Variants in UNC13C observed in about 807,000 individuals in gnomAD.
The protein encoded by UNC13C is unc-13 homolog C.
UNC13C carries 174 observed loss-of-function variants against 245.4 expected under a neutral mutation model. The ratio of observed to expected loss-of-function variants is 0.71; its 90% CI spans 0.63 to 0.80. The LOEUF (loss-of-function observed/expected upper bound fraction) is 0.80. Ranked by LOEUF, UNC13C falls within the 30% of genes least tolerant of loss-of-function variation. UNC13C has a pLI of 0.00. For synonymous variants in UNC13C, 992 were observed against 895.1 expected (o/e 1.11, Z -1.93); for missense variants, 2,829 against 2,602.9 (o/e 1.09, Z -1.89).
At chr15:54,070,525 T>A (rs1390270980) in intron 2 of UNC13C, among the ~76,000 whole-genome samples, 1 of 152,172 alleles carries the variant, frequency 6.6e-6, no homozygotes, top group African/African-American at 2.4e-5. Flanking sequence ...CAGATGAGGA[T>A]TGCAGTCTGT....
intron 17 of UNC13C, among the ~76,000 whole-genome samples, chr15:54,340,418 G>A (rs1596250072): frequency 6.6e-6 from 1 of 152,136 alleles, no homozygotes; most frequent in Admixed American, 6.5e-5. Context: ...ATAGTTCGAG[G>A]TCTTAGATTT....
intron 13 of UNC13C, among the ~76,000 whole-genome samples, chr15:54,314,817 G>T (rs997135579): frequency 1.3e-5 from 2 of 151,670 alleles, no homozygotes; most frequent in Non-Finnish European, 2.9e-5. Flanking sequence ...TTATAACATT[G>T]TCAAAGTCAG....
At chr15:54,344,231 C>A (rs183028004) in intron 17 of UNC13C, among the ~76,000 whole-genome samples, 1 of 152,228 alleles carries the variant, frequency 6.6e-6, no homozygotes, top group Admixed American at 6.5e-5. Flanking sequence ...AGTGGCATAC[C>A]TTACTTGATG....
chr15:54,325,659 T>A (rs2038282111), intron 14 of UNC13C, among the ~76,000 whole-genome samples: 1 of 151,842 alleles, frequency 6.6e-6, no homozygotes, highest in Non-Finnish European at 1.5e-5. Context: ...GAACATGTGG[T>A]GTTTGCTTTT....
chr15:54,629,750 A>AGTT (rs1901410284), downstream of UNC13C: 1 of 45,790 alleles, frequency 2.2e-5, no homozygotes, highest in African/African-American at 4.2e-5. Context: ...AGTAAAAGGC[A>AGTT]GTTAGGATTT....
In UNC13C at chr15:54,192,700, A is replaced by G. The variant is rs187079988; in HGVS notation, c.3072-42330A>G. The stretch of plus-strand genomic sequence containing the variant: ...AATCAGAATGGGATCTGTAATTTCA[A>G]TTACAGAGTTCTGTTAGTTTCACTT... On this transcript the variant is annotated intron_variant, in intron 4 of 32. Transcript: ENST00000260323. Among the ~76,000 whole-genome samples the G allele has an allele frequency of 7.2e-5, 11 of 152,258 alleles. 1 individual carries two copies. The East Asian group carries it at 1.7e-3, about 24-fold the overall frequency.
At chr15:54,523,757 C>T (rs773088292) in intron 24 of UNC13C, among the ~76,000 whole-genome samples, 1 of 152,094 alleles carries the variant, frequency 6.6e-6, no homozygotes, top group African/African-American at 2.4e-5. Flanking sequence ...ACCCCCATTT[C>T]CTGAAGGAAA....
chr15:54,585,399 A>G (rs901208016), intron 30 of UNC13C, among the ~76,000 whole-genome samples: 2 of 152,090 alleles, frequency 1.3e-5, no homozygotes, highest in Non-Finnish European at 2.9e-5. Context: ...ATTGTAATCT[A>G]CCTTAGGCCT....
intron 26 of UNC13C, among the ~76,000 whole-genome samples, chr15:54,545,259 A>G (rs1447741159): frequency 6.6e-6 from 1 of 152,224 alleles, no homozygotes; most frequent in African/African-American, 2.4e-5. Context: ...AGAAAACTGA[A>G]AGTGGACCCC....
At position 54,264,225 on chromosome 15, in the gene UNC13C, C is replaced by G; in HGVS notation, c.3506C>G (p.Thr1169Arg). 1 of 1,595,182 alleles carries G rather than the reference C, an allele frequency of 6.3e-7. No individual in the cohort carries two copies. Among genetic ancestry groups the G allele is most frequent in the Non-Finnish European group, 8.5e-7 (1 of 1,170,236 alleles). ...GAAGACAAGACTCAGACCATTATTA[C>G]AGCAATGAAAGAAAGAATGAAGATC... The part of the protein sequence containing the change: ...GAEDKTQTII[T>R]AMKERMKIRE... Residue 1169 changes from threonine (T) to arginine (R), a missense_variant, in exon 9 of 33, where the codon ACA becomes AGA. Transcript: ENST00000260323.
At chr15:54,337,162 G>A (rs1427003177) in intron 16 of UNC13C, among the ~76,000 whole-genome samples, 4 of 152,078 alleles carry the variant, frequency 2.6e-5, no homozygotes, top group Non-Finnish European at 4.4e-5. Flanking sequence ...GCAGGGTGGG[G>A]GGTACTCTCT....
At chr15:54,586,897 A>C (rs948550904) in intron 30 of UNC13C, among the ~76,000 whole-genome samples, 1 of 152,220 alleles carries the variant, frequency 6.6e-6, no homozygotes, top group African/African-American at 2.4e-5. Context: ...AATTTATGGA[A>C]GCAGGATCAT....
chr15:54,484,095 C>A (rs1285528426), intron 19 of UNC13C, among the ~76,000 whole-genome samples: 2 of 150,412 alleles, frequency 1.3e-5, no homozygotes, highest in African/African-American at 4.9e-5. Context: ...AAAAAAAAAC[C>A]AGCATCTAGG....
At chr15:54,025,555 G>T (rs962995238) in intron 2 of UNC13C, among the ~76,000 whole-genome samples, 2 of 152,144 alleles carry the variant, frequency 1.3e-5, no homozygotes, top group East Asian at 1.9e-4. Context: ...TCCAGTATTT[G>T]TACTTTGGCG....
At chr15:54,510,594 C>T (rs1200938891) in intron 23 of UNC13C, among the ~76,000 whole-genome samples, 1 of 152,122 alleles carries the variant, frequency 6.6e-6, no homozygotes, top group Non-Finnish European at 1.5e-5. Context: ...AAATTGTTTG[C>T]ATAAATCAAA....
intron 2 of UNC13C, among the ~76,000 whole-genome samples, chr15:54,125,342 AATT>A (rs1337857477): frequency 6.6e-6 from 1 of 152,172 alleles, no homozygotes; most frequent in African/African-American, 2.4e-5. Context: ...GGGTGCCTGT[AATT>A]CCAGCTACTC....
chr15:54,309,557 T>G (rs1197515595), intron 13 of UNC13C, among the ~76,000 whole-genome samples: 1 of 151,876 alleles, frequency 6.6e-6, no homozygotes, highest in Non-Finnish European at 1.5e-5. Context: ...CTTTTGAGGT[T>G]GTAACTAATA....
chr15:54,462,070 C>G (rs891158368), intron 19 of UNC13C, among the ~76,000 whole-genome samples: 1 of 152,086 alleles, frequency 6.6e-6, no homozygotes, highest in Non-Finnish European at 1.5e-5. Context: ...TACTGGGATA[C>G]AAGCACAAAA....
chr15:53,984,896 C>T (rs562679123), intron 1 of UNC13C, among the ~76,000 whole-genome samples: 1 of 151,952 alleles, frequency 6.6e-6, no homozygotes, highest in Non-Finnish European at 1.5e-5. Context: ...ATCAATTGCC[C>T]CAAGATTCTA....
Sources: gnomAD v4.1 joint callset for allele counts (sites outside exome capture counted in the v4.1 genomes callset) on GRCh38, gnomAD v4.1.1 for gene constraint, MANE v1.5 for transcripts, NCBI Gene and HGNC (gene_info 2026-07-23, HGNC 2026-07-21) for gene names.